ZFPM2: variants seen among roughly 807,000 people sequenced by gnomAD.
The protein encoded by ZFPM2 is zinc finger protein ZFPM2.
A neutral mutation model predicts 98.6 loss-of-function variants in ZFPM2; 20 were observed. The observed-to-expected ratio is 0.20, with a 90% CI of 0.14 to 0.29. The LOEUF (loss-of-function observed/expected upper bound fraction) is 0.29. Ranked by LOEUF, ZFPM2 falls within the 10% of genes least tolerant of loss-of-function variation. ZFPM2 has a pLI of 1.00. For synonymous variants in ZFPM2, 518 were observed against 502.7 expected (o/e 1.03, Z -0.41); for missense variants, 1,310 against 1,388.6 (o/e 0.94, Z 0.90).
intron 5 of ZFPM2, among the ~76,000 whole-genome samples, chr8:105,717,542 GTAGATAACTTAATACATTC>G (rs1811553919): frequency 6.6e-6 from 1 of 151,878 alleles, no homozygotes; most frequent in African/African-American, 2.4e-5. Context: ...TGAGCACATA[GTAGATAACTTAATACATTC>G]TAGTCCATTG....
At chr8:105,478,532 G>A (rs567976752) in intron 3 of ZFPM2, among the ~76,000 whole-genome samples, 1 of 152,102 alleles carries the variant, frequency 6.6e-6, no homozygotes, top group Non-Finnish European at 1.5e-5. Flanking sequence ...ATTCCTTCTG[G>A]AAATTATCCG....
intron 3 of ZFPM2, among the ~76,000 whole-genome samples, chr8:105,499,467 A>G (rs1449859680): frequency 3.3e-5 from 5 of 152,206 alleles, no homozygotes; most frequent in Non-Finnish European, 7.3e-5. Flanking sequence ...CAAAACAAAC[A>G]AACAAAAGAA....
At chr8:105,426,290 C>T (rs1017414029) in intron 2 of ZFPM2, among the ~76,000 whole-genome samples, 1 of 152,130 alleles carries the variant, frequency 6.6e-6, no homozygotes, top group Admixed American at 6.5e-5. Context: ...AAAGAAAAGC[C>T]AATATGACTT....
At chr8:105,534,846 A>G (rs1311986496) in intron 3 of ZFPM2, among the ~76,000 whole-genome samples, 1 of 152,190 alleles carries the variant, frequency 6.6e-6, no homozygotes. Context: ...TTACAGTTTG[A>G]AAATGATTGC....
intron 3 of ZFPM2, among the ~76,000 whole-genome samples, chr8:105,493,489 C>T (rs1586413148): frequency 1.3e-5 from 2 of 152,204 alleles, no homozygotes; most frequent in African/African-American, 2.4e-5. Context: ...ATACAACACA[C>T]ACTGCAAGTG....
intron 1 of ZFPM2, among the ~76,000 whole-genome samples, chr8:105,333,616 C>A (rs1417760402): frequency 6.6e-6 from 1 of 151,516 alleles, no homozygotes; most frequent in Non-Finnish European, 1.5e-5. Flanking sequence ...CCCATAGAAA[C>A]CCTCATATGT....
intron 4 of ZFPM2, among the ~76,000 whole-genome samples, chr8:105,606,109 T>C (rs1391653128): frequency 6.6e-6 from 1 of 152,142 alleles, no homozygotes; most frequent in Non-Finnish European, 1.5e-5. Flanking sequence ...TTTATTTATA[T>C]TTCAAATAAA....
In ZFPM2 at chr8:105,802,023, C is replaced by T. The variant is rs377517230; in HGVS notation, c.1941C>T (p.Ser647=). 1 of 1,613,814 alleles carries T rather than the reference C, an allele frequency of 6.2e-7. No individual in the cohort carries two copies. The highest frequency in any genetic ancestry group is 2.2e-5 in the East Asian group (1 of 44,846). ...PNGKGHDKDF[S]TQTKKLSTSS... ...GGAAGGGCCATGACAAGGACTTTTC[C>T]ACTCAAACTAAGAAGCTCTCCACCT... Residue 647 remains serine (S), a synonymous_variant, in exon 8 of 8, where the codon TCC becomes TCT. Transcript: ENST00000407775.
At chr8:105,500,295 C>A (rs1356304638) in intron 3 of ZFPM2, among the ~76,000 whole-genome samples, 1 of 151,900 alleles carries the variant, frequency 6.6e-6, no homozygotes, top group African/African-American at 2.4e-5. Flanking sequence ...CGATACAATA[C>A]TTTTTTTTAA....
intron 1 of ZFPM2, among the ~76,000 whole-genome samples, chr8:105,350,853 G>T (rs1812627320): frequency 6.6e-6 from 1 of 152,012 alleles, no homozygotes. Flanking sequence ...ATTGGTTTCA[G>T]AACCCCTAGC....
chr8:105,517,251 A>G (rs1453527742), intron 3 of ZFPM2, among the ~76,000 whole-genome samples: 2 of 152,180 alleles, frequency 1.3e-5, no homozygotes, highest in Non-Finnish European at 2.9e-5. Flanking sequence ...TAATGGAGAC[A>G]TTTGCTTAAT....
At chr8:105,704,621 C>T (rs1345920159) in intron 5 of ZFPM2, among the ~76,000 whole-genome samples, 2 of 152,230 alleles carry the variant, frequency 1.3e-5, no homozygotes, top group East Asian at 1.9e-4. Context: ...AAATAAGTAG[C>T]GGGTGTGTTG....
chr8:105,694,442 G>T (rs1237527123), intron 5 of ZFPM2, among the ~76,000 whole-genome samples: 2 of 151,902 alleles, frequency 1.3e-5, no homozygotes, highest in Non-Finnish European at 2.9e-5. Flanking sequence ...AATTTTTCTT[G>T]AATCATTCTA....
Position 105,803,803 on chromosome 8 carries a change from G to T in ZFPM2, c.*265G>T, listed in dbSNP as rs1781853811. On this transcript the variant is annotated 3_prime_UTR_variant, in exon 8 of 8. Coordinates refer to ENST00000407775, the MANE Select transcript of ZFPM2 (RefSeq NM_012082.4). ...TTTTATTTAAAAACTTTATATTAAAGTCATTTGTAATGTTATTGTATAGTT... is the reference window on the plus strand; with the variant it reads ...TTTTATTTAAAAACTTTATATTAAATTCATTTGTAATGTTATTGTATAGTT... The T allele has an allele frequency of 5.0e-6, 2 of 403,848 alleles. No individual in the cohort carries two copies. The highest frequency in any genetic ancestry group is 2.0e-5 in the African/African-American group (1 of 49,204). The allele number at this position is 403,848 out of a possible 1,614,324, so 25.0% of individuals were successfully genotyped here. A position where few individuals can be genotyped will look rare whatever the true frequency, so the allele number is the denominator to read the frequency against.
chr8:105,408,766 A>G (rs2130023953), intron 1 of ZFPM2, among the ~76,000 whole-genome samples: 1 of 151,916 alleles, frequency 6.6e-6, no homozygotes, highest in South Asian at 2.1e-4. Flanking sequence ...TACTGTGTCA[A>G]ACCCACAAGG....
At chr8:105,371,162 C>CTG (rs1211121451) in intron 1 of ZFPM2, among the ~76,000 whole-genome samples, 6 of 151,970 alleles carry the variant, frequency 3.9e-5, no homozygotes, top group Admixed American at 3.3e-4. Context: ...TCTTGTTTCT[C>CTG]TGTGTGTGTG....
chr8:105,465,751 G>A lies in ZFPM2; in HGVS notation c.301+21370G>A, dbSNP rs1163498319. Among the ~76,000 whole-genome samples the A allele has an allele frequency of 3.3e-5, 5 of 151,966 alleles. 1 individual carries two copies. In the Middle Eastern group the frequency reaches 0.01, roughly 310 times the overall value. On this transcript the variant is annotated intron_variant, in intron 3 of 7. Transcript: ENST00000407775. ...GGTGCCTGGTATTTCTTATACAATGGTAGTTTTAAGATTTAAGATGTATGG... is the reference window on the plus strand; with the variant it reads ...GGTGCCTGGTATTTCTTATACAATGATAGTTTTAAGATTTAAGATGTATGG...
At chr8:105,347,303 T>C (rs1389262886) in intron 1 of ZFPM2, among the ~76,000 whole-genome samples, 1 of 152,208 alleles carries the variant, frequency 6.6e-6, no homozygotes, top group East Asian at 1.9e-4. Flanking sequence ...TTCCAGTCAT[T>C]GATGTCAATA....
intron 5 of ZFPM2, among the ~76,000 whole-genome samples, chr8:105,740,867 AACAGAGAAGAGGTT>A (rs1812199095): frequency 6.6e-6 from 1 of 152,122 alleles, no homozygotes; most frequent in Admixed American, 6.6e-5. Flanking sequence ...AGAAAACTAA[AACAGAGAAGAGGTT>A]TGCAATTTCA....
Sources: gnomAD v4.1 joint callset for allele counts (sites outside exome capture counted in the v4.1 genomes callset) on GRCh38, gnomAD v4.1.1 for gene constraint, MANE v1.5 for transcripts, NCBI Gene and HGNC (gene_info 2026-07-23, HGNC 2026-07-21) for gene names.